HMGCS2: variants seen among roughly 807,000 people sequenced by gnomAD.
The protein encoded by HMGCS2 is hydroxymethylglutaryl-CoA synthase, mitochondrial.
A neutral mutation model predicts 57.4 loss-of-function variants in HMGCS2; 50 were observed. That is an observed-to-expected ratio of 0.87 (90% CI 0.69 to 1.10). The LOEUF (loss-of-function observed/expected upper bound fraction) is 1.10. Ranked by LOEUF, HMGCS2 falls within the 50% of genes least tolerant of loss-of-function variation. HMGCS2 has a pLI of 0.00. For synonymous variants in HMGCS2, 254 were observed against 245.1 expected (o/e 1.04, Z -0.34); for missense variants, 627 against 636.5 (o/e 0.99, Z 0.16).
chr1:119,755,371 CG>C, intron 6 of HMGCS2, 55 bp downstream of exon 6: 2 of 1,552,760 alleles, frequency 1.3e-6, no homozygotes, highest in African/African-American at 1.4e-5. Context: ...CTGCAGCCCA[CG>C]GGGGCGGAGG....
intron 6 of HMGCS2, 53 bp downstream of exon 6, chr1:119,755,374 G>C: frequency 6.5e-7 from 1 of 1,547,316 alleles, no homozygotes; most frequent in Non-Finnish European, 8.9e-7. Flanking sequence ...CAGCCCACGG[G>C]GGCGGAGGCT....
intron 2 of HMGCS2, among the ~76,000 whole-genome samples, chr1:119,762,750 A>T (rs1418361759): frequency 6.6e-6 from 1 of 152,166 alleles, no homozygotes; most frequent in Admixed American, 6.5e-5. Context: ...TTCACATTTC[A>T]ATAACTTGTT....
chr1:119,765,770 C>T (rs587624692), intron 1 of HMGCS2, among the ~76,000 whole-genome samples: 4 of 152,058 alleles, frequency 2.6e-5, no homozygotes, highest in African/African-American at 7.2e-5. Context: ...TTTCTTTTTT[C>T]TACACAAGAA....
intron 2 of HMGCS2, among the ~76,000 whole-genome samples, chr1:119,762,436 A>G (rs1160451752): frequency 2.0e-5 from 2 of 99,400 alleles, no homozygotes; most frequent in African/African-American, 6.4e-5. Context: ...ATAAATTTTA[A>G]TTATTTTCAT....
Position 119,750,644 on chromosome 1 carries a change from T to C in HMGCS2, c.*5+153A>G, listed in dbSNP as rs587618064. 2.0e-5 allele frequency among the ~76,000 whole-genome samples: 3 copies of C among 152,254 alleles called. No homozygotes were observed. The South Asian group carries it at 6.2e-4, about 32-fold the overall frequency. Reference sequence around the variant, plus strand: ...AATACTTGCTTTTCCTTTTAAAAATTCCACAGATAATTCTCCCATTTCTCC... The same window carrying C: ...AATACTTGCTTTTCCTTTTAAAAATCCCACAGATAATTCTCCCATTTCTCC... On this transcript the variant is annotated intron_variant, in intron 9 of 9. Coordinates refer to ENST00000369406, the MANE Select transcript of HMGCS2 (RefSeq NM_005518.4).
In HMGCS2 at chr1:119,755,571, G is replaced by T. The variant is rs966875458; in HGVS notation, c.1043C>A (p.Thr348Asn). The change falls in exon 6 of 10, where the codon ACC becomes AAC. Residue 348 changes from threonine (T) to asparagine (N), a missense_variant. Thr to Asn is a moderately conservative substitution (Grantham distance 65). Coordinates refer to ENST00000369406, the MANE Select transcript of HMGCS2 (RefSeq NM_005518.4). ...AAGTGCTTTATCCAGGTCCTTGTTG[G>T]TGTAGGTGTCTTCCAGCTTTAGCCC... Reference protein sequence around the residue: ...FGGLKLEDTYTNKDLDKALLK... With the variant: ...FGGLKLEDTYNNKDLDKALLK... The T allele has an allele frequency of 6.2e-7, 1 of 1,614,160 alleles. No individual in the cohort carries two copies. The highest frequency in any genetic ancestry group is 2.2e-5 in the East Asian group (1 of 44,880).
chr1:119,757,287 C>A lies in HMGCS2; in HGVS notation c.1002G>T (p.Gly334=), dbSNP rs1266588243. The change falls in exon 5 of 10, where the codon GGG becomes GGT. Residue 334 remains glycine, a synonymous_variant. Transcript: ENST00000369406. ...AGAGAACTCACCCGAAAGCCTCCAG[C>A]CCCTTATATAAGCTGGTTTGTGTGT... ...SSDTQTSLYK[G]LEAFGGLKLE... 1.9e-6 allele frequency: 3 copies of A among 1,614,210 alleles called. No homozygotes were observed. Among genetic ancestry groups the A allele is most frequent in the African/African-American group, 1.3e-5 (1 of 75,042 alleles).
In HMGCS2 at chr1:119,768,854, A is replaced by G; in HGVS notation, c.-10T>C. ...TCAACAGACGCTGCATCTCCAGAGGAGCAAGCAGAAACCCAGCAGTTCAGA... is the reference window on the plus strand; with the variant it reads ...TCAACAGACGCTGCATCTCCAGAGGGGCAAGCAGAAACCCAGCAGTTCAGA... On this transcript the variant is annotated 5_prime_UTR_variant, in exon 1 of 10. Coordinates refer to ENST00000369406, the MANE Select transcript of HMGCS2 (RefSeq NM_005518.4). 6.2e-7 allele frequency: 1 copy of G among 1,603,958 alleles called. No homozygotes were observed. Among genetic ancestry groups the G allele is most frequent in the Non-Finnish European group, 8.5e-7 (1 of 1,170,976 alleles).
chr1:119,751,967 A>G lies in HMGCS2; in HGVS notation c.1420+582T>C, dbSNP rs1035365898. Among the ~76,000 whole-genome samples the G allele has an allele frequency of 5.3e-5, 8 of 151,558 alleles. No individual in the cohort carries two copies. In the South Asian group the frequency reaches 8.5e-4, roughly 16 times the overall value. ...CACTCTAGTATTACCTTTGGGTTTC[A>G]TTTTCCTTTCATTTGTTGCTTTTGG... On this transcript the variant is annotated intron_variant, in intron 8 of 9. Coordinates refer to ENST00000369406, the MANE Select transcript of HMGCS2 (RefSeq NM_005518.4).
At chr1:119,768,668 A>T in intron 1 of HMGCS2, 73 bp downstream of exon 1, 1 of 1,150,490 alleles carries the variant, frequency 8.7e-7, no homozygotes, top group Non-Finnish European at 1.3e-6. Context: ...GTGGGATTCT[A>T]GTGAGTTTTC....
Position 119,768,724 on chromosome 1 carries a change from C to G in HMGCS2, c.104+17G>C. On this transcript the variant is annotated intron_variant, in intron 1 of 9. Coordinates refer to ENST00000369406, the MANE Select transcript of HMGCS2 (RefSeq NM_005518.4). ...ATCTTTTACTAGTTACAAGGTGCTTCTCAGAAAGTGACTCACCTTTGGTGG... is the reference window on the plus strand; with the variant it reads ...ATCTTTTACTAGTTACAAGGTGCTTGTCAGAAAGTGACTCACCTTTGGTGG... 1.3e-6 allele frequency: 2 copies of G among 1,572,784 alleles called. No individual in the cohort carries two copies.
intron 9 of HMGCS2, among the ~76,000 whole-genome samples, chr1:119,749,190 C>G (rs940665068): frequency 2.6e-5 from 4 of 152,190 alleles, no homozygotes; most frequent in Admixed American, 6.5e-5. Context: ...AAGTTCACTG[C>G]TCATATTAAT....
At chr1:119,752,778 G>C (rs1652706518) in intron 7 of HMGCS2, 104 bp from the exon 8 acceptor site, 1 of 1,291,524 alleles carries the variant, frequency 7.7e-7, no homozygotes, top group African/African-American at 1.5e-5. Flanking sequence ...GTTACACCCT[G>C]GAGGAACGTG....
chr1:119,763,447 T>G lies in HMGCS2; in HGVS notation c.559+725A>C, dbSNP rs796584450. ...TATTTTATTCAGTCCTCTTATAAGT[T>G]AAGCAAGGCAGATAGGCAAATAACC... On this transcript the variant is annotated intron_variant, in intron 2 of 9. Coordinates refer to ENST00000369406, the MANE Select transcript of HMGCS2 (RefSeq NM_005518.4). Among the ~76,000 whole-genome samples, 3 of 152,184 alleles carry G rather than the reference T, an allele frequency of 2.0e-5. No individual in the cohort carries two copies. In the South Asian group the frequency reaches 6.2e-4, roughly 32 times the overall value.
chr1:119,757,188 C>A lies in HMGCS2; in HGVS notation c.1016+85G>T, dbSNP rs956561532. The A allele has an allele frequency of 3.7e-6, 6 of 1,607,476 alleles. No individual in the cohort carries two copies. In the African/African-American group the frequency reaches 8.0e-5, roughly 22 times the overall value. ...TTGCCATTTGTCCCCCACAGGGGTGCTGGTGGTCTAGACTTAAGGCATGAA... is the reference window on the plus strand; with the variant it reads ...TTGCCATTTGTCCCCCACAGGGGTGATGGTGGTCTAGACTTAAGGCATGAA... On this transcript the variant is annotated intron_variant, in intron 5 of 9. Transcript: ENST00000369406.
At chr1:119,762,180 T>C (rs1205888010) in intron 2 of HMGCS2, among the ~76,000 whole-genome samples, 2 of 152,216 alleles carry the variant, frequency 1.3e-5, no homozygotes, top group Non-Finnish European at 2.9e-5. Flanking sequence ...ATTGTGGTTT[T>C]AAAAAGAATC....
At chr1:119,757,974 G>A (rs1652906516) in intron 4 of HMGCS2, among the ~76,000 whole-genome samples, 1 of 152,264 alleles carries the variant, frequency 6.6e-6, no homozygotes, top group Non-Finnish European at 1.5e-5. Flanking sequence ...GGAGTTAGGA[G>A]CAAATAACCA....
chr1:119,751,806 T>G (rs1388663810), intron 8 of HMGCS2, among the ~76,000 whole-genome samples: 1 of 152,312 alleles, frequency 6.6e-6, no homozygotes, highest in African/African-American at 2.4e-5. Context: ...CATTTCCAAT[T>G]CCGTATATTC....
At position 119,760,063 on chromosome 1, in the gene HMGCS2, G is replaced by C. The variant is rs1445574794; in HGVS notation, c.560-74C>G. 2.9e-6 allele frequency: 4 copies of C among 1,397,348 alleles called. No homozygotes were observed. The African/African-American group carries it at 5.7e-5, about 20-fold the overall frequency. The allele number at this position is 1,397,348 out of a possible 1,614,324, so 86.6% of individuals were successfully genotyped here. On this transcript the variant is annotated intron_variant, in intron 2 of 9. Transcript: ENST00000369406. ...AGACTGAGTGCCTACTGTGTACCAGGCACAATTCTAGGTCCTGGATATAGA... is the reference window on the plus strand; with the variant it reads ...AGACTGAGTGCCTACTGTGTACCAGCCACAATTCTAGGTCCTGGATATAGA...
Sources: allele counts gnomAD v4.1 joint callset (sites outside exome capture counted in the v4.1 genomes callset), GRCh38; gene constraint gnomAD v4.1.1; transcripts MANE v1.5; gene names NCBI Gene and HGNC (gene_info 2026-07-23, HGNC 2026-07-21).